The following SEMA3D variants were observed in gnomAD, a reference collection of about 807,000 sequenced individuals.
SEMA3D encodes the protein semaphorin 3D, also known as semaphorin-3D.
Under a neutral mutation model 100.1 loss-of-function variants are expected in SEMA3D, and 84 were observed. The observed-to-expected ratio is 0.84, with a 90% CI of 0.70 to 1.01. SEMA3D has a LOEUF of 1.01. Ranked by LOEUF, SEMA3D falls within the 50% of genes least tolerant of loss-of-function variation. SEMA3D has a pLI of 0.00. For synonymous variants in SEMA3D, 312 were observed against 320.7 expected, an observed-to-expected ratio of 0.97 and a Z score of 0.29; for missense variants, 875 against 934.1, an observed-to-expected ratio of 0.94 and a Z score of 0.82.
chr7:85,180,913 CTTTG>C (rs780302859), intron 1 of SEMA3D, among the ~76,000 whole-genome samples: 1 of 152,026 alleles, frequency 6.6e-6, no homozygotes, highest in South Asian at 2.1e-4. Flanking sequence ...TGATGACTTT[CTTTG>C]TTTTTGAAGA....
chr7:85,189,076 C>A (rs982178242), upstream of SEMA3D, among the ~76,000 whole-genome samples: 1 of 152,034 alleles, frequency 6.6e-6, no homozygotes, highest in South Asian at 2.1e-4. Flanking sequence ...CATGAGAAAA[C>A]AACATCTGGA....
intron 1 of SEMA3D, among the ~76,000 whole-genome samples, chr7:85,154,322 A>G (rs1195837568): frequency 6.6e-6 from 1 of 152,134 alleles, no homozygotes; most frequent in African/African-American, 2.4e-5. Flanking sequence ...AGTGGTTGAC[A>G]ACATTTACCT....
intron 2 of SEMA3D, among the ~76,000 whole-genome samples, chr7:85,130,546 C>T (rs1789699230): frequency 6.6e-6 from 1 of 152,100 alleles, no homozygotes; most frequent in African/African-American, 2.4e-5. Flanking sequence ...TCTGGAAAAT[C>T]GTTATCCCTA....
the SEMA3D span, among the ~76,000 whole-genome samples, chr7:85,239,847 C>T: frequency 7.9e-5 from 12 of 152,076 alleles, no homozygotes; most frequent in African/African-American, 1.9e-4. Context: ...TAAAGGAAAG[C>T]GATTGTCTTT....
the SEMA3D span, among the ~76,000 whole-genome samples, chr7:85,225,103 T>TATAC: frequency 3.2e-3 from 41 of 12,976 alleles, no homozygotes; most frequent in African/African-American, 0.013. Flanking sequence ...TATATATATA[T>TATAC]ATACATACAT....
upstream of SEMA3D, among the ~76,000 whole-genome samples, chr7:85,188,846 T>C (rs1263831664): frequency 1.3e-5 from 2 of 152,216 alleles, no homozygotes; most frequent in Non-Finnish European, 2.9e-5. Flanking sequence ...CCTCCTGTTT[T>C]CCCAAAGCAC....
Position 85,006,874 on chromosome 7 carries a change from T to A in SEMA3D, c.1836A>T (p.Glu612Asp). 6.2e-7 allele frequency: 1 copy of A among 1,611,112 alleles called. No homozygotes were observed. Among genetic ancestry groups the A allele is most frequent in the Non-Finnish European group, 8.5e-7 (1 of 1,178,034 alleles). ...TTGCTTGTTGGGATTTAGGTATACATTCCAGAAAGGTTGAGTTAAATTCAA... is the reference window on the plus strand; with the variant it reads ...TTGCTTGTTGGGATTTAGGTATACAATCCAGAAAGGTTGAGTTAAATTCAA... ...FGIEFNSTFL[E>D]CIPKSQQATI... Residue 612 changes from glutamate (E) to aspartate (D), a missense_variant, in exon 18 of 19, where the codon GAA becomes GAT. Coordinates refer to ENST00000284136, the MANE Select transcript of SEMA3D (RefSeq NM_001384900.1).
chr7:85,204,217 C>A, the SEMA3D span, among the ~76,000 whole-genome samples: 1 of 151,946 alleles, frequency 6.6e-6, no homozygotes, highest in Non-Finnish European at 1.5e-5. Context: ...CTTAATTGAC[C>A]TTTTCTGCCT....
intron 1 of SEMA3D, among the ~76,000 whole-genome samples, chr7:85,184,001 G>A (rs1189393477): frequency 6.6e-6 from 1 of 151,210 alleles, no homozygotes; most frequent in Admixed American, 6.6e-5. Flanking sequence ...TTTCCTTTAC[G>A]GACATTGTTA....
intron 2 of SEMA3D, chr7:85,142,292 A>T: frequency 1.0e-6 from 1 of 980,084 alleles, no homozygotes; most frequent in Non-Finnish European, 1.2e-6. Context: ...CTGAGAAAGT[A>T]CTTAGTTTTA....
the SEMA3D span, among the ~76,000 whole-genome samples, chr7:85,229,826 T>C: frequency 2.6e-5 from 4 of 152,172 alleles, no homozygotes; most frequent in African/African-American, 9.6e-5. Context: ...CTGTCTCAAC[T>C]ACCCACTTTG....
At chr7:85,177,456 AG>A (rs1286486945) in intron 1 of SEMA3D, among the ~76,000 whole-genome samples, 8 of 152,178 alleles carry the variant, frequency 5.3e-5, no homozygotes, top group Admixed American at 5.2e-4. Flanking sequence ...AAGAGTAAGT[AG>A]TCACACAGTA....
intron 18 of SEMA3D, 112 bp from the exon 19 acceptor site, chr7:84,999,977 CTCTCTG>C (rs993307219): frequency 1.1e-5 from 9 of 825,746 alleles, no homozygotes; most frequent in Non-Finnish European, 1.7e-5. Context: ...TATTCATTGT[CTCTCTG>C]TCTCTGTCAT....
chr7:85,134,761 T>G lies in SEMA3D; in HGVS notation c.-40-12830A>C, dbSNP rs369106146. On this transcript the variant is annotated intron_variant, in intron 2 of 18. Transcript: ENST00000284136. The stretch of plus-strand genomic sequence containing the variant: ...ATCTTTGCTTCACCAGCCCACTTCT[T>G]TGACATATGATGGAGAAGCTTTTCA... 4.6e-5 allele frequency among the ~76,000 whole-genome samples: 7 copies of G among 152,138 alleles called. No individual in the cohort carries two copies. In the East Asian group the frequency reaches 7.7e-4, roughly 17 times the overall value.
chr7:85,173,597 G>A (rs903397873), intron 1 of SEMA3D, among the ~76,000 whole-genome samples: 3 of 152,114 alleles, frequency 2.0e-5, no homozygotes, highest in African/African-American at 4.8e-5. Flanking sequence ...AAAAGCAGAC[G>A]AATGGAGTGG....
At chr7:85,162,173 T>C (rs1009578671) in intron 1 of SEMA3D, among the ~76,000 whole-genome samples, 5 of 151,640 alleles carry the variant, frequency 3.3e-5, no homozygotes, top group Admixed American at 2.0e-4. Context: ...ATCAGAGGGG[T>C]TTCTGAGCAG....
intron 3 of SEMA3D, among the ~76,000 whole-genome samples, chr7:85,117,722 A>G (rs1235340554): frequency 6.6e-6 from 1 of 152,090 alleles, no homozygotes; most frequent in Admixed American, 6.6e-5. Flanking sequence ...GCAGTGATCC[A>G]AGATCTTGCC....
At chr7:85,043,160 C>T (rs771526934) in intron 9 of SEMA3D, among the ~76,000 whole-genome samples, 4 of 152,030 alleles carry the variant, frequency 2.6e-5, no homozygotes, top group Non-Finnish European at 5.9e-5. Context: ...TAGTTCGAGA[C>T]CAGTATGGTC....
At chr7:85,008,167 C>G (rs950313711) in intron 17 of SEMA3D, among the ~76,000 whole-genome samples, 1 of 151,740 alleles carries the variant, frequency 6.6e-6, no homozygotes, top group Admixed American at 6.6e-5. Flanking sequence ...CTTATAATAA[C>G]AGATACAATT....
Sources: gnomAD v4.1 joint callset for allele counts (sites outside exome capture counted in the v4.1 genomes callset) on GRCh38, gnomAD v4.1.1 for gene constraint, MANE v1.5 for transcripts, NCBI Gene and HGNC (gene_info 2026-07-23, HGNC 2026-07-21) for gene names.